Variants in TRABD2B observed in about 807,000 individuals in gnomAD.
TRABD2B encodes the protein TraB domain containing 2B, also known as metalloprotease TIKI2.
Under a neutral mutation model 40.1 loss-of-function variants are expected in TRABD2B, and 14 were observed. The ratio of observed to expected loss-of-function variants is 0.35; its 90% CI spans 0.23 to 0.55. The LOEUF is 0.55. Ranked by LOEUF, TRABD2B falls within the 20% of genes least tolerant of loss-of-function variation. The pLI, the probability that TRABD2B is intolerant of heterozygous loss-of-function variation, is 0.90. For missense variants in TRABD2B, 541 were observed against 648.6 expected, an observed-to-expected ratio of 0.83 and a Z score of 1.80; for synonymous variants, 263 against 277.0, an observed-to-expected ratio of 0.95 and a Z score of 0.50.
Position 47,792,525 on chromosome 1 carries a change from A to G in TRABD2B, c.988+2061T>C, listed in dbSNP as rs574388424. ...TTCTGGTGGCCTGTCAACAGGATTC[A>G]CTGGGGACTGATTACATTTTGGAGA... On this transcript the variant is annotated intron_variant, in intron 4 of 6. Transcript: ENST00000606738. 3.9e-5 allele frequency among the ~76,000 whole-genome samples: 6 copies of G among 152,224 alleles called. No homozygotes were observed. The East Asian group carries it at 1.2e-3, about 29-fold the overall frequency.
At chr1:47,925,131 A>C (rs944446936) in intron 2 of TRABD2B, among the ~76,000 whole-genome samples, 31 of 152,286 alleles carry the variant, frequency 2.0e-4, no homozygotes, top group Non-Finnish European at 3.7e-4. Context: ...GTAGGATAGA[A>C]ACTCTCATGA....
chr1:47,767,768 C>T (rs1271437212), intron 6 of TRABD2B, among the ~76,000 whole-genome samples: 3 of 152,334 alleles, frequency 2.0e-5, no homozygotes, highest in African/African-American at 7.2e-5. Context: ...CTTCCTGCCA[C>T]GCTTCCCACT....
chr1:47,997,183 C>T lies in TRABD2B; in HGVS notation c.-394G>A, dbSNP rs1646106262. ...GGGTCCCGGGGTTATGCTGGGCACC[C>T]GGGGCACGCAAGGGTCCCAGGGGTG... On this transcript the variant is annotated 5_prime_UTR_variant, in exon 1 of 7. Coordinates refer to ENST00000606738, the MANE Select transcript of TRABD2B (RefSeq NM_001194986.2). The T allele has an allele frequency of 1.0e-6, 1 of 982,968 alleles. No individual in the cohort carries two copies. Among genetic ancestry groups the T allele is most frequent in the African/African-American group, 1.8e-5 (1 of 56,514 alleles). The allele number at this position is 982,968 out of a possible 1,614,324, so 60.9% of individuals were successfully genotyped here.
At chr1:47,939,378 T>C (rs1416872169) in intron 2 of TRABD2B, among the ~76,000 whole-genome samples, 1 of 152,184 alleles carries the variant, frequency 6.6e-6, no homozygotes, top group Non-Finnish European at 1.5e-5. Flanking sequence ...CTTTTAAATG[T>C]TATCATTAAA....
intron 2 of TRABD2B, among the ~76,000 whole-genome samples, chr1:47,852,946 C>T (rs555344223): frequency 6.7e-6 from 1 of 150,236 alleles, no homozygotes; most frequent in South Asian, 2.2e-4. Context: ...CTCATATTCT[C>T]TTTGATTGGG....
rs1203050156 is a variant in TRABD2B, at chr1:47,820,688, C to CTCA, written c.667-19070_667-19069insTGA. ...CTGTGACTCAAGGGCCCACTTTCCCCTGTTGGTCTCATGTCCGTCCTCCAT... is the reference window on the plus strand; with the variant it reads ...CTGTGACTCAAGGGCCCACTTTCCCCTCATGTTGGTCTCATGTCCGTCCTCCAT... On this transcript the variant is annotated intron_variant, in intron 2 of 6. Transcript: ENST00000606738. Among the ~76,000 whole-genome samples, 59 of 152,192 alleles carry CTCA rather than the reference C, an allele frequency of 3.9e-4. No individual in the cohort carries two copies. In the East Asian group the frequency reaches 0.01, roughly 26 times the overall value.
At chr1:47,793,162 G>C (rs1287116550) in intron 4 of TRABD2B, among the ~76,000 whole-genome samples, 1 of 152,138 alleles carries the variant, frequency 6.6e-6, no homozygotes, top group East Asian at 1.9e-4. Context: ...TGGCTGAATA[G>C]CTCTGGAATC....
chr1:47,901,196 G>A (rs779454506), intron 2 of TRABD2B, among the ~76,000 whole-genome samples: 1 of 152,202 alleles, frequency 6.6e-6, no homozygotes, highest in Non-Finnish European at 1.5e-5. Flanking sequence ...AGATGGCCTG[G>A]CCTTCTGCAG....
intron 2 of TRABD2B, among the ~76,000 whole-genome samples, chr1:47,914,134 G>C (rs1644798267): frequency 6.6e-6 from 1 of 152,190 alleles, no homozygotes; most frequent in Non-Finnish European, 1.5e-5. Context: ...CTGGAAATGG[G>C]GGCAAATTAT....
intron 2 of TRABD2B, among the ~76,000 whole-genome samples, chr1:47,834,562 A>AACACACAC (rs1180009571): frequency 7.3e-6 from 1 of 136,518 alleles, no homozygotes; most frequent in African/African-American, 2.9e-5. Context: ...GATGTGCTCC[A>AACACACAC]ACACACACAC....
At chr1:47,861,196 A>C (rs1643962701) in intron 2 of TRABD2B, among the ~76,000 whole-genome samples, 1 of 152,134 alleles carries the variant, frequency 6.6e-6, no homozygotes, top group African/African-American at 2.4e-5. Flanking sequence ...AGTGGTTCTC[A>C]AACTGGGGAT....
intron 2 of TRABD2B, among the ~76,000 whole-genome samples, chr1:47,936,008 C>T (rs1225240162): frequency 6.6e-6 from 1 of 152,196 alleles, no homozygotes; most frequent in Non-Finnish European, 1.5e-5. Flanking sequence ...GAGCTGCTGC[C>T]TTGCAGGGCT....
intron 2 of TRABD2B, among the ~76,000 whole-genome samples, chr1:47,875,698 AAAG>A (rs1557629851): frequency 7.6e-6 from 1 of 132,234 alleles, no homozygotes; most frequent in African/African-American, 2.8e-5. Flanking sequence ...AAAAAAAAAA[AAAG>A]AAGAAGGAAA....
intron 2 of TRABD2B, among the ~76,000 whole-genome samples, chr1:47,832,573 C>T (rs1184356082): frequency 6.6e-6 from 1 of 152,180 alleles, no homozygotes; most frequent in Non-Finnish European, 1.5e-5. Context: ...CTTCCTTCCT[C>T]TCTCCCTTTC....
intron 2 of TRABD2B, among the ~76,000 whole-genome samples, chr1:47,978,711 AATC>A (rs1287367213): frequency 3.9e-5 from 6 of 152,176 alleles, no homozygotes; most frequent in African/African-American, 1.4e-4. Context: ...CTCATAAACA[AATC>A]AGCTTGGGTG....
chr1:47,807,938 AC>A (rs1644914371), intron 2 of TRABD2B, among the ~76,000 whole-genome samples: 1 of 152,190 alleles, frequency 6.6e-6, no homozygotes, highest in Non-Finnish European at 1.5e-5. Context: ...TGGGAGCCCA[AC>A]TGAGAAGGGG....
intron 2 of TRABD2B, among the ~76,000 whole-genome samples, chr1:47,863,450 C>T (rs1261891512): frequency 7.2e-6 from 1 of 138,420 alleles, no homozygotes; most frequent in Non-Finnish European, 1.5e-5. Flanking sequence ...GGCCAAAGAC[C>T]TTAATAGACT....
At chr1:47,921,807 G>T (rs1644904910) in intron 2 of TRABD2B, among the ~76,000 whole-genome samples, 1 of 152,132 alleles carries the variant, frequency 6.6e-6, no homozygotes, top group African/African-American at 2.4e-5. Context: ...TCTAATAAAG[G>T]ACCCTGAATC....
chr1:47,777,137 C>G (rs1644458479), intron 5 of TRABD2B, among the ~76,000 whole-genome samples: 1 of 152,162 alleles, frequency 6.6e-6, no homozygotes, highest in African/African-American at 2.4e-5. Flanking sequence ...GCCTCACTGG[C>G]CTGCCTGCCT....
Sources: allele counts gnomAD v4.1 joint callset (sites outside exome capture counted in the v4.1 genomes callset), GRCh38; gene constraint gnomAD v4.1.1; transcripts MANE v1.5; gene names NCBI Gene and HGNC (gene_info 2026-07-23, HGNC 2026-07-21).